The following DGKG variants were observed in gnomAD, a reference collection of about 807,000 sequenced individuals.
The protein encoded by DGKG is diacylglycerol kinase gamma.
DGKG carries 78 observed loss-of-function variants against 105.3 expected under a neutral mutation model. The observed-to-expected ratio is 0.74, with a 90% CI of 0.62 to 0.89. DGKG has a LOEUF of 0.89. DGKG is among the 40% of genes least tolerant of loss of function. DGKG has a pLI of 0.00. For missense variants in DGKG, 958 were observed against 1,020.1 expected (o/e 0.94, Z 0.83); for synonymous variants, 346 against 367.1 (o/e 0.94, Z 0.66).
chr3:186,183,995 T>C (rs116661913), intron 22 of DGKG, among the ~76,000 whole-genome samples: 2,211 of 152,312 alleles, frequency 0.015, 61 homozygotes, highest in African/African-American at 0.051. Flanking sequence ...TGAGCCACCA[T>C]GCCCGGCTGA....
At position 186,203,368 on chromosome 3, in the gene DGKG, C is replaced by CTGAT. The variant is rs1718569759; in HGVS notation, c.1917+8423_1917+8426dup. 6.6e-6 allele frequency among the ~76,000 whole-genome samples: 1 copy of CTGAT among 152,238 alleles called. No individual in the cohort carries two copies. The highest frequency in any genetic ancestry group is 2.4e-5 in the African/African-American group (1 of 41,470). On this transcript the variant is annotated intron_variant, in intron 21 of 24. Coordinates refer to ENST00000265022, the MANE Select transcript of DGKG (RefSeq NM_001346.3). This position sits in a 1 kb window ranked among gnomAD's most constrained non-coding sequence, Gnocchi z 4.9. ...AAACGAGGCCAATGTTGTAGCAGTG[C>CTGAT]TGATTCCTGGTTGGTGGGATTGGGG...
At chr3:186,214,289 T>C (rs1719175927) in intron 20 of DGKG, among the ~76,000 whole-genome samples, 2 of 152,182 alleles carry the variant, frequency 1.3e-5, no homozygotes, top group Non-Finnish European at 2.9e-5. Flanking sequence ...TCCTCATCTC[T>C]AAAATAGAGA....
intron 23 of DGKG, among the ~76,000 whole-genome samples, chr3:186,162,563 CAG>C (rs1421407144): frequency 1.8e-4 from 28 of 152,242 alleles, no homozygotes; most frequent in African/African-American, 6.7e-4. Flanking sequence ...GTTTTTGAGA[CAG>C]AGTCTTGCTC....
At position 186,306,493 on chromosome 3, in the gene DGKG, G is replaced by A. The variant is rs114143692; in HGVS notation, c.144+408C>T. 4.9e-3 allele frequency among the ~76,000 whole-genome samples: 753 copies of A among 152,262 alleles called. 7 individuals carry two copies. Among genetic ancestry groups the A allele is most frequent in the African/African-American group, 0.017 (721 of 41,524 alleles). On this transcript the variant is annotated intron_variant, in intron 3 of 24. Transcript: ENST00000265022. ...AAAGAGGATGGGGTTGAGTGCACAC[G>A]TGGGGGAGTTGGACGTAGATAGGAG...
chr3:186,254,279 A>G (rs778478196), intron 17 of DGKG, among the ~76,000 whole-genome samples: 30 of 152,166 alleles, frequency 2.0e-4, no homozygotes, highest in Non-Finnish European at 4.1e-4. Context: ...GTCCTGGCAA[A>G]CTGGGAGCTC....
intron 14 of DGKG, among the ~76,000 whole-genome samples, chr3:186,262,826 C>A (rs1037400532): frequency 4.6e-5 from 7 of 152,124 alleles, no homozygotes; most frequent in African/African-American, 1.7e-4. Context: ...TCCTTCTTTG[C>A]AGACTACTAA....
chr3:186,250,797 G>C (rs1325428988), intron 19 of DGKG, among the ~76,000 whole-genome samples: 2 of 152,020 alleles, frequency 1.3e-5, no homozygotes, highest in African/African-American at 4.8e-5. Context: ...CAATCTGCCC[G>C]CCTCAGCCTC....
intron 17 of DGKG, among the ~76,000 whole-genome samples, chr3:186,257,595 C>T (rs573840484): frequency 2.0e-5 from 3 of 152,308 alleles, no homozygotes; most frequent in African/African-American, 2.4e-5. Flanking sequence ...GCCCAAACCC[C>T]AGCCATGACA....
chr3:186,271,321 T>C (rs1246428925), intron 11 of DGKG, among the ~76,000 whole-genome samples: 2 of 152,214 alleles, frequency 1.3e-5, no homozygotes, highest in African/African-American at 4.8e-5. Context: ...CATGTCCTGG[T>C]CCTAGTGGTG....
intron 10 of DGKG, among the ~76,000 whole-genome samples, chr3:186,274,526 A>C (rs1386109367): frequency 7.7e-6 from 1 of 130,480 alleles, no homozygotes; most frequent in African/African-American, 2.8e-5. Flanking sequence ...TCCTAATGCT[A>C]TCCCTCCCCC....
intron 20 of DGKG, among the ~76,000 whole-genome samples, chr3:186,236,174 G>T (rs891255507): frequency 6.6e-6 from 1 of 152,190 alleles, no homozygotes; most frequent in African/African-American, 2.4e-5. Context: ...ACCCCCAGGA[G>T]AAGGATTTGG....
At chr3:186,185,051 G>A (rs1717555385) in intron 22 of DGKG, among the ~76,000 whole-genome samples, 1 of 152,158 alleles carries the variant, frequency 6.6e-6, no homozygotes, top group Admixed American at 6.5e-5. Flanking sequence ...TACAGATACA[G>A]AAAACTGAGA....
chr3:186,185,532 T>C (rs1025514650), intron 22 of DGKG, among the ~76,000 whole-genome samples: 5 of 151,778 alleles, frequency 3.3e-5, no homozygotes, highest in African/African-American at 1.2e-4. Context: ...AGCCCTAGGG[T>C]GGTGGAGAGT....
chr3:186,295,638 TAAA>T (rs34829528), intron 5 of DGKG, among the ~76,000 whole-genome samples: 1 of 84,528 alleles, frequency 1.2e-5, no homozygotes, highest in Non-Finnish European at 2.1e-5. Flanking sequence ...TAATGCACAG[TAAA>T]AAAAAAAAAA....
At chr3:186,263,154 A>ACAAACAAG (rs1434856788) in intron 14 of DGKG, among the ~76,000 whole-genome samples, 1 of 148,538 alleles carries the variant, frequency 6.7e-6, no homozygotes, top group Non-Finnish European at 1.5e-5. Flanking sequence ...AAACAAACAA[A>ACAAACAAG]CAAACAAAAA....
chr3:186,239,588 G>A (rs1181323938), intron 20 of DGKG, among the ~76,000 whole-genome samples: 1 of 152,228 alleles, frequency 6.6e-6, no homozygotes, highest in Non-Finnish European at 1.5e-5. Context: ...TTAGACATGG[G>A]CGAATAGGCA....
At chr3:186,154,675 GA>G (rs377426747) in intron 24 of DGKG, among the ~76,000 whole-genome samples, 20 of 141,648 alleles carry the variant, frequency 1.4e-4, no homozygotes, top group Non-Finnish European at 1.7e-4. Flanking sequence ...AAAAGAAAAA[GA>G]AAAAAAAAAG....
chr3:186,150,209 A>G, intron 24 of DGKG, 21 bp from the exon 25 acceptor site: 1 of 1,601,378 alleles, frequency 6.2e-7, no homozygotes, highest in Non-Finnish European at 8.5e-7. Context: ...AGAGGCAGAA[A>G]TGAATTAGTG....
chr3:186,161,887 C>T (rs553227156), intron 23 of DGKG, among the ~76,000 whole-genome samples: 1 of 150,204 alleles, frequency 6.7e-6, no homozygotes, highest in Admixed American at 6.6e-5. Context: ...GTTTCTGTGT[C>T]TGTGTGTGTG....
Sources: allele counts gnomAD v4.1 joint callset (sites outside exome capture counted in the v4.1 genomes callset), GRCh38; gene constraint gnomAD v4.1.1; non-coding constraint Gnocchi (gnomAD v3.1); transcripts MANE v1.5; gene names NCBI Gene and HGNC (gene_info 2026-07-23, HGNC 2026-07-21).